RPS6KA3: variants seen among roughly 807,000 people sequenced by gnomAD.
RPS6KA3 encodes the protein ribosomal protein S6 kinase alpha-3.
A neutral mutation model predicts 67.2 loss-of-function variants in RPS6KA3; 4 were observed. That is an observed-to-expected ratio of 0.06 (90% CI 0.03 to 0.14). RPS6KA3 has a LOEUF of 0.14. Among genes scored for constraint, RPS6KA3 ranks in the 10% least tolerant of loss-of-function variants. RPS6KA3 has a pLI of 1.00. For synonymous variants in RPS6KA3, 182 were observed against 183.7 expected (o/e 0.99, Z 0.07); for missense variants, 204 against 559.0 (o/e 0.36, Z 6.40).
chrX:20,187,799 C>T, intron 9 of RPS6KA3, 29 bp downstream of exon 9: 1 of 1,175,104 alleles, frequency 8.5e-7, no homozygotes, highest in African/African-American at 1.8e-5. Flanking sequence ...TCTCCTTCCC[C>T]TCTAAAAAAT....
At chrX:20,249,960 T>C (rs2069817370) in intron 1 of RPS6KA3, among the ~76,000 whole-genome samples, 1 of 112,189 alleles carries the variant, frequency 8.9e-6, no homozygotes, top group Admixed American at 9.4e-5. Context: ...AGACTTATTG[T>C]TTTACCTATA....
At chrX:20,265,068 C>T (rs1388325984) in intron 1 of RPS6KA3, among the ~76,000 whole-genome samples, 1 of 111,449 alleles carries the variant, frequency 9.0e-6, no homozygotes, top group Non-Finnish European at 1.9e-5. Context: ...ACATGATTTC[C>T]TTTCTTTCTT....
At chrX:20,194,505 C>T (rs1204210984) in intron 5 of RPS6KA3, among the ~76,000 whole-genome samples, 3 of 111,101 alleles carry the variant, frequency 2.7e-5, no homozygotes, top group African/African-American at 9.8e-5. Flanking sequence ...TACAATAGTT[C>T]TAAACCCATG....
intron 1 of RPS6KA3, among the ~76,000 whole-genome samples, chrX:20,260,219 C>T (rs991368176): frequency 3.6e-5 from 4 of 111,427 alleles, no homozygotes; most frequent in African/African-American, 1.3e-4. Flanking sequence ...CTGACTTTAA[C>T]CATTTCTTCA....
Position 20,150,518 on chromosome X carries a change from A to G in RPS6KA3, c.*4880T>C, listed in dbSNP as rs897948378. ...TGGCAATACCTTGAAGCTTTTTTTA[A>G]AATTAAAAACCAAAGCTTTAGATGG... is the stretch of plus-strand genomic sequence containing the variant. On this transcript the variant is annotated 3_prime_UTR_variant, in exon 22 of 22. Coordinates refer to ENST00000379565, the MANE Select transcript of RPS6KA3 (RefSeq NM_004586.3). 14 of 112,879 alleles carry G rather than the reference A, an allele frequency of 1.2e-4. No individual in the cohort carries two copies. Among genetic ancestry groups the G allele is most frequent in the Non-Finnish European group, 2.6e-4 (14 of 53,257 alleles). 9.3% of individuals were successfully genotyped at this position (112,879 alleles called of 1,213,427 possible). A position where few individuals can be genotyped will look rare whatever the true frequency, so the allele number is the denominator to read the frequency against.
chrX:20,155,383 C>A lies in RPS6KA3; in HGVS notation c.*15G>T. 8.3e-7 allele frequency: 1 copy of A among 1,210,531 alleles called. No homozygotes were observed. Among genetic ancestry groups the A allele is most frequent in the African/African-American group, 1.7e-5 (1 of 57,550 alleles). ...CAGCTTACACCATGGTACCAAATAT[C>A]TCACTGAGGTCACTTCACAGGGCTG... On this transcript the variant is annotated 3_prime_UTR_variant, in exon 22 of 22. Transcript: ENST00000379565.
At chrX:20,233,008 T>G (rs1226716697) in intron 2 of RPS6KA3, among the ~76,000 whole-genome samples, 1 of 110,942 alleles carries the variant, frequency 9.0e-6, no homozygotes, top group East Asian at 2.8e-4. Context: ...TGGTGACGGT[T>G]GCCTGTAATC....
At chrX:20,226,987 A>G (rs2069138743) in intron 2 of RPS6KA3, among the ~76,000 whole-genome samples, 2 of 111,717 alleles carry the variant, frequency 1.8e-5, no homozygotes, top group African/African-American at 3.3e-5. Flanking sequence ...CTTGTGTACA[A>G]TTTTTGTTTT....
intron 2 of RPS6KA3, among the ~76,000 whole-genome samples, chrX:20,223,864 T>A (rs757721054): frequency 8.9e-6 from 1 of 112,493 alleles, no homozygotes; most frequent in Non-Finnish European, 1.9e-5. Context: ...TCCCTTGTTT[T>A]CTAATTCGCT....
At chrX:20,225,196 T>C (rs1023324570) in intron 2 of RPS6KA3, among the ~76,000 whole-genome samples, 1 of 106,505 alleles carries the variant, frequency 9.4e-6, no homozygotes, top group African/African-American at 3.4e-5. Flanking sequence ...AGAGGCACCA[T>C]AGGAGGGAAG....
At chrX:20,236,931 C>T (rs112001463) in intron 1 of RPS6KA3, among the ~76,000 whole-genome samples, 3,183 of 111,359 alleles carry the variant, frequency 0.029, 115 homozygotes, top group African/African-American at 0.093. Context: ...GCGGCTCTGT[C>T]GTCCGACATA....
intron 3 of RPS6KA3, among the ~76,000 whole-genome samples, chrX:20,206,552 A>G (rs1311185322): frequency 8.9e-6 from 1 of 112,216 alleles, no homozygotes; most frequent in Non-Finnish European, 1.9e-5. Flanking sequence ...GCACTGTGCT[A>G]CTGGTTCAAT....
At chrX:20,196,293 T>C (rs1426984857) in intron 4 of RPS6KA3, among the ~76,000 whole-genome samples, 1 of 113,372 alleles carries the variant, frequency 8.8e-6, no homozygotes, top group African/African-American at 3.2e-5. Flanking sequence ...AAGATGAATT[T>C]ATATTTGACC....
Position 20,247,429 on chromosome X carries a change from A to G in RPS6KA3, c.70-12615T>C, listed in dbSNP as rs183846703. ...AACAAAATAGAACACTTTACTAAAC[A>G]TTGTTAAGTTTTAACTGCTCACATA... On this transcript the variant is annotated intron_variant, in intron 1 of 21. Coordinates refer to ENST00000379565, the MANE Select transcript of RPS6KA3 (RefSeq NM_004586.3). Among the ~76,000 whole-genome samples the G allele has an allele frequency of 4.1e-3, 456 of 111,450 alleles. 3 individuals are homozygous for G. The highest frequency in any genetic ancestry group is 0.014 in the African/African-American group (422 of 30,588).
chrX:20,158,201 C>CA (rs2067230164), intron 20 of RPS6KA3, among the ~76,000 whole-genome samples: 1 of 107,834 alleles, frequency 9.3e-6, no homozygotes, highest in African/African-American at 3.4e-5. Flanking sequence ...TCCATCTCTA[C>CA]AAAAAATTTA....
chrX:20,194,786 C>G (rs764244499), intron 5 of RPS6KA3, among the ~76,000 whole-genome samples: 10 of 110,599 alleles, frequency 9.0e-5, no homozygotes, highest in Non-Finnish European at 1.9e-4. Context: ...CATATTATTA[C>G]TCATTATTAT....
chrX:20,251,763 G>C (rs1016262132), intron 1 of RPS6KA3, among the ~76,000 whole-genome samples: 1 of 112,415 alleles, frequency 8.9e-6, no homozygotes, highest in Non-Finnish European at 1.9e-5. Context: ...GTATCTATTA[G>C]ACAATAACTA....
At chrX:20,262,451 G>A (rs2070258711) in intron 1 of RPS6KA3, among the ~76,000 whole-genome samples, 1 of 111,878 alleles carries the variant, frequency 8.9e-6, no homozygotes, top group South Asian at 3.7e-4. Flanking sequence ...GTATACTAAA[G>A]AGAAGACAAA....
intron 4 of RPS6KA3, among the ~76,000 whole-genome samples, chrX:20,203,026 T>C (rs2068479201): frequency 9.0e-6 from 1 of 111,449 alleles, no homozygotes; most frequent in Admixed American, 9.6e-5. Flanking sequence ...AGAAGTGAAA[T>C]TTCTTGGGAT....
Sources: allele counts gnomAD v4.1 joint callset (sites outside exome capture counted in the v4.1 genomes callset), GRCh38; gene constraint gnomAD v4.1.1; transcripts MANE v1.5; gene names NCBI Gene and HGNC (gene_info 2026-07-23, HGNC 2026-07-21).